The following GDA variants were observed in gnomAD, a reference collection of about 807,000 sequenced individuals.
GDA encodes the protein cytoplasmic PSD-95 interactor.
In GDA, 18 loss-of-function variants were observed where a neutral mutation model predicts 59.6. The ratio of observed to expected loss-of-function variants is 0.30; its 90% CI spans 0.21 to 0.45. The LOEUF (loss-of-function observed/expected upper bound fraction) is 0.45, where lower values mean the gene tolerates loss of function less well. Ranked by LOEUF, GDA falls within the 20% of genes least tolerant of loss-of-function variation. The probability of loss-of-function intolerance (pLI) is 1.00; values close to 1 mark genes in which losing one functional copy is unlikely to be tolerated. For missense variants in GDA, 427 were observed against 552.3 expected (o/e 0.77, Z 2.27); for synonymous variants, 201 against 201.1 (o/e 1.00, Z 0.00).
In GDA at chr9:72,160,329, A is replaced by AAT. The variant is rs151181045; in HGVS notation, c.123+10660_123+10661dup. On this transcript the variant is annotated intron_variant, in intron 1 of 13. Transcript: ENST00000358399. ...GTCTCAAACAAAATAAAACAAAACAAATATATATATATATTCATCACCCCA... is the reference window on the plus strand; with the variant it reads ...GTCTCAAACAAAATAAAACAAAACAAATATATATATATATATTCATCACCCCA... Among the ~76,000 whole-genome samples the AAT allele has an allele frequency of 9.0e-3, 1,355 of 151,292 alleles. 21 individuals are homozygous for AAT. The highest frequency in any genetic ancestry group is 0.03 in the African/African-American group (1,238 of 41,282).
intron 1 of GDA, among the ~76,000 whole-genome samples, chr9:72,191,762 T>C (rs1832584620): frequency 6.6e-6 from 1 of 152,034 alleles, no homozygotes; most frequent in Admixed American, 6.5e-5. Flanking sequence ...ATTTTTTGTA[T>C]TTTTTAGTAG....
At chr9:72,118,273 C>CAAAAAAAAAAAA (rs373179585) in intron 1 of GDA, among the ~76,000 whole-genome samples, 2 of 66,154 alleles carry the variant, frequency 3.0e-5, no homozygotes, top group Non-Finnish European at 5.2e-5. Flanking sequence ...GACTCCACCT[C>CAAAAAAAAAAAA]AAAAAAAAAA....
upstream of GDA, among the ~76,000 whole-genome samples, chr9:72,144,778 A>G (rs545697899): frequency 1.2e-4 from 18 of 152,172 alleles, no homozygotes; most frequent in Non-Finnish European, 2.4e-4. Flanking sequence ...CTCACCTAAG[A>G]ACTGGAAAAT....
chr9:72,234,263 TG>T (rs1189203876), intron 10 of GDA, among the ~76,000 whole-genome samples: 5 of 152,136 alleles, frequency 3.3e-5, no homozygotes, highest in Non-Finnish European at 5.9e-5. Flanking sequence ...GGTAAGAATT[TG>T]GGGAATTGAC....
chr9:72,217,101 T>C (rs1227274412), intron 5 of GDA, among the ~76,000 whole-genome samples: 1 of 152,234 alleles, frequency 6.6e-6, no homozygotes, highest in South Asian at 2.1e-4. Flanking sequence ...TTTGTGCACT[T>C]AAATCAGGTG....
chr9:72,116,347 T>C (rs943895568), intron 1 of GDA, among the ~76,000 whole-genome samples: 6 of 151,560 alleles, frequency 4.0e-5, no homozygotes, highest in Admixed American at 1.3e-4. Flanking sequence ...ACATGCCACA[T>C]GGCTAAATGA....
chr9:72,155,609 G>A (rs1412506616), intron 1 of GDA, among the ~76,000 whole-genome samples: 1 of 152,186 alleles, frequency 6.6e-6, no homozygotes, highest in Non-Finnish European at 1.5e-5. Context: ...CAGGTAGGCA[G>A]GGCTATGTTA....
intron 1 of GDA, among the ~76,000 whole-genome samples, chr9:72,116,588 G>A (rs957991713): frequency 1.1e-4 from 17 of 151,908 alleles, no homozygotes; most frequent in African/African-American, 3.9e-4. Context: ...TCACTACGTT[G>A]GTTGGCCAGG....
intron 3 of GDA, among the ~76,000 whole-genome samples, chr9:72,203,690 T>C (rs1834300419): frequency 6.6e-6 from 1 of 152,222 alleles, no homozygotes; most frequent in Non-Finnish European, 1.5e-5. Context: ...TGATTCCTCC[T>C]AAGGTGTTCA....
chr9:72,182,569 C>T (rs1057057331), intron 1 of GDA, among the ~76,000 whole-genome samples: 6 of 152,084 alleles, frequency 3.9e-5, no homozygotes, highest in African/African-American at 7.2e-5. Context: ...TTTGGTCACT[C>T]GGCTGAGGTG....
intron 1 of GDA, among the ~76,000 whole-genome samples, chr9:72,143,951 G>C (rs939518433): frequency 2.0e-5 from 3 of 152,204 alleles, no homozygotes; most frequent in African/African-American, 7.2e-5. Flanking sequence ...GCCAGACGCA[G>C]TGGCTCATGT....
At chr9:72,236,769 C>T (rs2131727508) in intron 10 of GDA, among the ~76,000 whole-genome samples, 1 of 140,242 alleles carries the variant, frequency 7.1e-6, no homozygotes, top group East Asian at 2.1e-4. Flanking sequence ...GAAACAAAAC[C>T]ACTCCTATTT....
rs1176008719 is a variant in GDA, at chr9:72,228,024, C to G, written c.904C>G (p.Pro302Ala). The part of the protein sequence containing the change: ...HERGASIAHC[P>A]NSNLSLSSGF... ...ACGAGGAGCATCCATCGCACACTGTCCCAATTCTAATTTATCGTAAGTAGA... is the reference window on the plus strand; with the variant it reads ...ACGAGGAGCATCCATCGCACACTGTGCCAATTCTAATTTATCGTAAGTAGA... Residue 302 changes from proline to alanine, a missense_variant, in exon 9 of 14, where the codon CCC becomes GCC. Transcript: ENST00000358399. 6.4e-7 allele frequency: 1 copy of G among 1,570,368 alleles called. No homozygotes were observed. Among genetic ancestry groups the G allele is most frequent in the African/African-American group, 1.3e-5 (1 of 74,114 alleles).
chr9:72,248,514 A>G lies in GDA; in HGVS notation c.*172A>G. 1.4e-6 allele frequency: 2 copies of G among 1,416,952 alleles called. No homozygotes were observed. Among genetic ancestry groups the G allele is most frequent in the Non-Finnish European group, 9.2e-7 (1 of 1,085,790 alleles). The allele number at this position is 1,416,952 out of a possible 1,614,324, so 87.8% of individuals were successfully genotyped here. On this transcript the variant is annotated 3_prime_UTR_variant, in exon 14 of 14. Coordinates refer to ENST00000358399, the MANE Select transcript of GDA (RefSeq NM_004293.5). ...AAATAGTTCGAAGGAAGTTGCACTA[A>G]TTCTCAACTCTGGTTGAGAGGGTTC...
chr9:72,245,016 G>C (rs1839996556), intron 11 of GDA, 132 bp from the exon 12 acceptor site: 2 of 756,488 alleles, frequency 2.6e-6, no homozygotes, highest in Non-Finnish European at 4.4e-6. Context: ...GTGATTTTCT[G>C]TCTCACTGTT....
intron 1 of GDA, among the ~76,000 whole-genome samples, chr9:72,161,837 A>G (rs1828671660): frequency 6.6e-6 from 1 of 152,246 alleles, no homozygotes; most frequent in African/African-American, 2.4e-5. Context: ...CATTCAATGC[A>G]TGCTTTTAAA....
chr9:72,232,682 A>C (rs1387613143), intron 10 of GDA, among the ~76,000 whole-genome samples: 1 of 152,236 alleles, frequency 6.6e-6, no homozygotes, highest in East Asian at 1.9e-4. Context: ...TAAGTTCATC[A>C]CATGACTTCC....
At chr9:72,247,329 C>T in intron 12 of GDA, 77 bp from the exon 13 acceptor site, 1 of 870,752 alleles carries the variant, frequency 1.1e-6, no homozygotes. Context: ...TGGGCTTTGT[C>T]AACCACTATC....
At chr9:72,114,648 GC>G (rs1441260195) in exon 1 of GDA, 3 of 151,524 alleles carry the variant, frequency 2.0e-5, no homozygotes, top group Admixed American at 6.6e-5. Flanking sequence ...CCGCTACAAC[GC>G]CCGGCTAATT....
Sources: gnomAD v4.1 joint callset for allele counts (sites outside exome capture counted in the v4.1 genomes callset) on GRCh38, gnomAD v4.1.1 for gene constraint, MANE v1.5 for transcripts, NCBI Gene and HGNC (gene_info 2026-07-23, HGNC 2026-07-21) for gene names.